CDH2: variants seen among roughly 807,000 people sequenced by gnomAD.
CDH2 encodes the protein cadherin-2.
A neutral mutation model predicts 92.0 loss-of-function variants in CDH2; 17 were observed. The ratio of observed to expected loss-of-function variants is 0.18; its 90% confidence interval spans 0.13 to 0.28. The LOEUF is 0.28. Among genes scored for constraint, CDH2 ranks in the 10% least tolerant of loss-of-function variants. The pLI, the probability that CDH2 is intolerant of heterozygous loss-of-function variation, is 1.00. For synonymous variants in CDH2, 419 were observed against 415.9 expected, an observed-to-expected ratio of 1.01 and a Z score of -0.09; for missense variants, 862 against 1,133.1, an observed-to-expected ratio of 0.76 and a Z score of 3.44.
chr18:27,969,087 G>A (rs1307644674), intron 14 of CDH2, among the ~76,000 whole-genome samples: 4 of 152,130 alleles, frequency 2.6e-5, no homozygotes, highest in Non-Finnish European at 5.9e-5. Context: ...GTGAAATATC[G>A]TTATGACGGT....
At position 27,982,927 on chromosome 18, in the gene CDH2, T is replaced by G; in HGVS notation, c.2349+17A>C. 6.5e-7 allele frequency: 1 copy of G among 1,546,486 alleles called. No homozygotes were observed. The highest frequency in any genetic ancestry group is 8.8e-7 in the Non-Finnish European group (1 of 1,141,506). ...CGATCATAAAATTTATTTTTAAAGA[T>G]TTAAAGCACTGCTCACCTGGTCTTC... On this transcript the variant is annotated intron_variant, in intron 14 of 15. Coordinates refer to ENST00000269141, the MANE Select transcript of CDH2 (RefSeq NM_001792.5).
chr18:27,990,140 A>G lies in CDH2; in HGVS notation c.1555T>C (p.Phe519Leu), dbSNP rs771020355. The G allele has an allele frequency of 1.1e-5, 17 of 1,614,072 alleles. No individual in the cohort carries two copies. In the Admixed American group the frequency reaches 2.8e-4, roughly 27 times the overall value. The change falls in exon 10 of 16, where the codon TTC becomes CTC. Residue 519 changes from phenylalanine (F) to leucine (L), a missense_variant. Around this residue, in one of 5 missense-constraint regions of CDH2, gnomAD observed 564 missense variants for 722.2 expected, o/e 0.78. Transcript: ENST00000269141. ...GLHAGTMLTT[F>L]TAQDPDRYMQ... ...TATCGATCTGGGTCCTGAGCAGTGA[A>G]TGTTGTCAACATGGTACCGGCATGA...
chr18:27,992,147 A>G (rs541495187), intron 9 of CDH2, among the ~76,000 whole-genome samples: 8 of 152,268 alleles, frequency 5.3e-5, no homozygotes, highest in Admixed American at 4.6e-4. Context: ...TTTTTCTTCT[A>G]TGGCTTTTCT....
chr18:28,139,716 T>A (rs538860210), intron 2 of CDH2, among the ~76,000 whole-genome samples: 1 of 152,144 alleles, frequency 6.6e-6, no homozygotes, highest in East Asian at 1.9e-4. Context: ...TCAGTCTCCA[T>A]TTCTCCCCTT....
chr18:28,000,893 T>C (rs1275371478), intron 7 of CDH2, among the ~76,000 whole-genome samples: 1 of 152,130 alleles, frequency 6.6e-6, no homozygotes, highest in Non-Finnish European at 1.5e-5. Context: ...TGAATTCTAA[T>C]AGAAATAAAA....
At chr18:27,984,860 A>G in intron 13 of CDH2, 140 bp downstream of exon 13, 1 of 649,312 alleles carries the variant, frequency 1.5e-6, no homozygotes, top group Non-Finnish European at 2.7e-6. Context: ...GACTTGGTCG[A>G]CCCATATATG....
intron 2 of CDH2, among the ~76,000 whole-genome samples, chr18:28,132,233 G>A (rs544834739): frequency 7.9e-5 from 12 of 152,296 alleles, no homozygotes; most frequent in Admixed American, 7.8e-4. Context: ...GCAACTCACT[G>A]CACGGAACAG....
chr18:28,090,620 T>G (rs1325486737), intron 2 of CDH2, among the ~76,000 whole-genome samples: 1 of 152,338 alleles, frequency 6.6e-6, no homozygotes, highest in East Asian at 1.9e-4. Context: ...TGTGTATGTT[T>G]ATTAGAGTAG....
intron 2 of CDH2, among the ~76,000 whole-genome samples, chr18:28,042,436 G>T (rs1481286703): frequency 1.3e-5 from 2 of 152,056 alleles, no homozygotes; most frequent in Non-Finnish European, 2.9e-5. Context: ...GATGGTCTTG[G>T]TATTATACTC....
chr18:28,020,941 A>C (rs2013393084), intron 2 of CDH2, among the ~76,000 whole-genome samples: 1 of 151,994 alleles, frequency 6.6e-6, no homozygotes, highest in South Asian at 2.1e-4. Flanking sequence ...TGCTAATATA[A>C]AACTGGTCCA....
At chr18:28,113,107 G>C (rs572404755) in intron 2 of CDH2, among the ~76,000 whole-genome samples, 2 of 152,118 alleles carry the variant, frequency 1.3e-5, no homozygotes, top group Non-Finnish European at 2.9e-5. Context: ...GGATACTATA[G>C]TGCAAAGCAT....
At chr18:28,095,325 G>A (rs2015112832) in intron 2 of CDH2, among the ~76,000 whole-genome samples, 1 of 152,138 alleles carries the variant, frequency 6.6e-6, no homozygotes, top group Admixed American at 6.5e-5. Context: ...TCATGCCTAT[G>A]ATCCCAGAAC....
chr18:28,036,476 G>C lies in CDH2; in HGVS notation c.173-22567C>G, dbSNP rs768613913. 36 of 1,558,564 alleles carry C rather than the reference G, an allele frequency of 2.3e-5. 1 individual carries two copies. The South Asian group carries it at 3.1e-4, about 14-fold the overall frequency. ...ATAAGGCAATTTTTGTTACCTGAAA[G>C]GAAAACATACAATTCTGCTTGGTTC... On this transcript the variant is annotated intron_variant, in intron 2 of 15. Transcript: ENST00000269141.
intron 2 of CDH2, among the ~76,000 whole-genome samples, chr18:28,078,245 G>C (rs994112302): frequency 6.6e-6 from 1 of 152,100 alleles, no homozygotes; most frequent in Non-Finnish European, 1.5e-5. Context: ...ATCCTCCAGC[G>C]CTGAGAGAAC....
intron 2 of CDH2, among the ~76,000 whole-genome samples, chr18:28,116,972 C>T (rs187867644): frequency 6.6e-6 from 1 of 152,222 alleles, no homozygotes; most frequent in African/African-American, 2.4e-5. Flanking sequence ...ACTAAGCAGC[C>T]TCATCTCCTA....
intron 1 of CDH2, among the ~76,000 whole-genome samples, chr18:28,151,315 G>A (rs1325847629): frequency 2.6e-5 from 4 of 152,204 alleles, no homozygotes; most frequent in Non-Finnish European, 5.9e-5. Context: ...TCACAACTGC[G>A]AGGGGGTGCT....
chr18:28,134,135 C>A (rs1205751000), intron 2 of CDH2, among the ~76,000 whole-genome samples: 675 of 91,298 alleles, frequency 7.4e-3, no homozygotes, highest in East Asian at 8.7e-3. Context: ...ACTAAATTTA[C>A]AAAAAAAAAA....
rs185753221 is a variant in CDH2, at chr18:28,169,129, T to C, written c.60+7834A>G. On this transcript the variant is annotated intron_variant, in intron 1 of 15. Transcript: ENST00000269141. Reference sequence around the variant, plus strand: ...ATACTTAATTTCTGAGGTTTAATACTAACAGACATTGGCTTGAAAAACTCT... The same window carrying C: ...ATACTTAATTTCTGAGGTTTAATACCAACAGACATTGGCTTGAAAAACTCT... 6.2e-4 allele frequency among the ~76,000 whole-genome samples: 94 copies of C among 152,248 alleles called. No homozygotes were observed. In the East Asian group the frequency reaches 9.1e-3, roughly 15 times the overall value.
At chr18:27,964,619 G>A (rs538447826) in intron 14 of CDH2, among the ~76,000 whole-genome samples, 1 of 152,114 alleles carries the variant, frequency 6.6e-6, no homozygotes, top group Non-Finnish European at 1.5e-5. Flanking sequence ...TGATTTATTC[G>A]ACAGTTGTTT....
Sources: gnomAD v4.1 joint callset for allele counts (sites outside exome capture counted in the v4.1 genomes callset) on GRCh38, gnomAD v4.1.1 for gene constraint, gnomAD v4.1.1 regional missense constraint, MANE v1.5 for transcripts, NCBI Gene and HGNC (gene_info 2026-07-23, HGNC 2026-07-21) for gene names.